Variants in CELF2 observed in about 807,000 individuals in gnomAD.
CELF2 encodes the protein CUGBP Elav-like family member 2.
CELF2 carries 8 observed loss-of-function variants against 62.6 expected under a neutral mutation model. The ratio of observed to expected loss-of-function variants is 0.13; its 90% CI spans 0.07 to 0.23. The LOEUF (loss-of-function observed/expected upper bound fraction) is 0.23. CELF2 is among the 10% of genes least tolerant of loss of function. The pLI, the probability that CELF2 is intolerant of heterozygous loss-of-function variation, is 1.00. For missense variants in CELF2, 333 were observed against 671.0 expected, an observed-to-expected ratio of 0.50 and a Z score of 5.56; for synonymous variants, 258 against 250.0, an observed-to-expected ratio of 1.03 and a Z score of -0.30.
At chr10:10,835,643 A>G (rs765710195) in intron 1 of CELF2, among the ~76,000 whole-genome samples, 10 of 152,026 alleles carry the variant, frequency 6.6e-5, no homozygotes, top group Non-Finnish European at 1.0e-4. Flanking sequence ...TCAGCCTCCT[A>G]TAGTGCTGGG....
intron 1 of CELF2, among the ~76,000 whole-genome samples, chr10:10,832,789 C>A (rs1016469327): frequency 6.6e-6 from 1 of 152,062 alleles, no homozygotes; most frequent in Non-Finnish European, 1.5e-5. Context: ...ATAAATAACC[C>A]CTGAGAACAT....
At chr10:11,047,491 C>T (rs74416796) in intron 1 of CELF2, among the ~76,000 whole-genome samples, 9,149 of 152,242 alleles carry the variant, frequency 0.06, 386 homozygotes, top group Middle Eastern at 0.13. Context: ...TTTCTAGAGT[C>T]TCTGACCATG....
intron 2 of CELF2, chr10:10,925,254 G>A (rs767295990): frequency 6.6e-6 from 1 of 152,120 alleles, no homozygotes; most frequent in Non-Finnish European, 1.5e-5. Context: ...GTCATCTAGA[G>A]CCGATGGATG....
In CELF2 at chr10:11,148,014, T is replaced by C. The variant is rs1011740025; in HGVS notation, c.75-17472T>C. ...TGTGAAATAGTACATGTATGTAAGA[T>C]AGATTTTACATTAAAGTACGAGAGC... On this transcript the variant is annotated intron_variant, in intron 1 of 12. Coordinates refer to ENST00000633077, the MANE Select transcript of CELF2 (RefSeq NM_001326342.2). Among the ~76,000 whole-genome samples the C allele has an allele frequency of 2.0e-5, 3 of 152,220 alleles. No individual in the cohort carries two copies. The East Asian group carries it at 5.8e-4, about 29-fold the overall frequency.
chr10:11,054,300 T>A (rs2064658383), intron 1 of CELF2, among the ~76,000 whole-genome samples: 1 of 152,226 alleles, frequency 6.6e-6, no homozygotes, highest in African/African-American at 2.4e-5. Context: ...ATCTTGCCCT[T>A]ATTGTATCAT....
intron 1 of CELF2, among the ~76,000 whole-genome samples, chr10:10,857,597 A>C (rs2059792511): frequency 6.8e-6 from 1 of 147,112 alleles, no homozygotes; most frequent in Non-Finnish European, 1.5e-5. Context: ...TAAAATTGTA[A>C]AGATGGTGAA....
chr10:10,891,389 AAAATCT>A (rs1323864804), intron 1 of CELF2, among the ~76,000 whole-genome samples: 23 of 152,176 alleles, frequency 1.5e-4, no homozygotes, highest in African/African-American at 5.3e-4. Context: ...GCACATGACA[AAAATCT>A]CAAAGATTTC....
At position 10,983,123 on chromosome 10, in the gene CELF2, G is replaced by T. The variant is rs1055075122; in HGVS notation, c.89+63124G>T. Among the ~76,000 whole-genome samples the T allele has an allele frequency of 1.3e-5, 2 of 151,706 alleles. No individual in the cohort carries two copies. The highest frequency in any genetic ancestry group is 2.9e-5 in the Non-Finnish European group (2 of 67,964). Reference sequence around the variant, plus strand: ...TGCTACATTTTAAAAAATAATTTAAGCTCTTTTTTCATTATTTTTTTTTCA... The same window carrying T: ...TGCTACATTTTAAAAAATAATTTAATCTCTTTTTTCATTATTTTTTTTTCA... On this transcript the variant is annotated intron_variant, in intron 2 of 13. Coordinates refer to the CELF2 transcript ENST00000636488. The surrounding 1 kb of genome is among the most constrained non-coding windows in gnomAD (Gnocchi z 5.2).
At position 11,255,879 on chromosome 10, in the gene CELF2, A is replaced by C. The variant is rs1002116051; in HGVS notation, c.404-1859A>C. Among the ~76,000 whole-genome samples the C allele has an allele frequency of 6.6e-6, 1 of 152,172 alleles. No homozygotes were observed. The highest frequency in any genetic ancestry group is 1.5e-5 in the Non-Finnish European group (1 of 68,028). ...ACCGGACCTAGAACCTTGGTCTTCT[A>C]ATCACCGCCATTGCTCTCCCCTTCA... On this transcript the variant is annotated intron_variant, in intron 4 of 12. Coordinates refer to ENST00000633077, the MANE Select transcript of CELF2 (RefSeq NM_001326342.2). This position sits in a 1 kb window ranked among gnomAD's most constrained non-coding sequence, Gnocchi z 5.5.
chr10:11,064,337 C>G lies in CELF2; in HGVS notation c.74+46174C>G, dbSNP rs78454888. Among the ~76,000 whole-genome samples, 1,124 of 152,304 alleles carry G rather than the reference C, an allele frequency of 7.4e-3. 9 individuals are homozygous for G. Among genetic ancestry groups the G allele is most frequent in the African/African-American group, 0.025 (1,023 of 41,558 alleles). ...GACTGTTTTCAGCAGGCCAGTCCCA[C>G]CAGCACTCCCTTCAGAGTGGTCTGT... On this transcript the variant is annotated intron_variant, in intron 1 of 12. Transcript: ENST00000633077.
chr10:11,092,325 C>T (rs563044526), intron 1 of CELF2: 178 of 152,292 alleles, frequency 1.2e-3, no homozygotes, highest in African/African-American at 3.9e-3. Flanking sequence ...GTGATCAAAA[C>T]ACAAACAAGA....
In CELF2 at chr10:11,321,546, C is replaced by T. The variant is rs2095438087; in HGVS notation, c.1294+160C>T. 6.6e-6 allele frequency among the ~76,000 whole-genome samples: 1 copy of T among 151,208 alleles called. No individual in the cohort carries two copies. Among genetic ancestry groups the T allele is most frequent in the African/African-American group, 2.4e-5 (1 of 41,056 alleles). On this transcript the variant is annotated intron_variant, in intron 11 of 12. Coordinates refer to ENST00000633077, the MANE Select transcript of CELF2 (RefSeq NM_001326342.2). The surrounding 1 kb of genome is among the most constrained non-coding windows in gnomAD (Gnocchi z 6.2). ...AAAAAAAAAAAAACTGAAAGCTGGG[C>T]ATGGTGGCATACACCTGTAGTCGCA...
chr10:10,887,769 C>CT (rs2061855228), intron 1 of CELF2, among the ~76,000 whole-genome samples: 1 of 150,464 alleles, frequency 6.6e-6, no homozygotes, highest in African/African-American at 2.4e-5. Context: ...TCTGTGTAGA[C>CT]TTTTATTTTT....
chr10:10,801,965 C>T lies in CELF2; in HGVS notation c.53+3148C>T, dbSNP rs573318461. Reference sequence around the variant, plus strand: ...GAAACCAGGGGTGGTCGTAGTGCTACTGCCTGTGTTTTAATGACTGTCTAC... The same window carrying T: ...GAAACCAGGGGTGGTCGTAGTGCTATTGCCTGTGTTTTAATGACTGTCTAC... On this transcript the variant is annotated intron_variant, in intron 1 of 13. Transcript: ENST00000636488. Among the ~76,000 whole-genome samples the T allele has an allele frequency of 2.0e-5, 3 of 152,276 alleles. No homozygotes were observed. The South Asian group carries it at 6.2e-4, about 32-fold the overall frequency.
At position 10,947,730 on chromosome 10, in the gene CELF2, A is replaced by ATGAGTAGC. The variant is rs1187822171; in HGVS notation, c.89+27732_89+27739dup. 6.6e-6 allele frequency among the ~76,000 whole-genome samples: 1 copy of ATGAGTAGC among 152,210 alleles called. No homozygotes were observed. Among genetic ancestry groups the ATGAGTAGC allele is most frequent in the Non-Finnish European group, 1.5e-5 (1 of 68,032 alleles). On this transcript the variant is annotated intron_variant, in intron 2 of 13. Transcript: ENST00000636488. The surrounding 1 kb of genome is among the most constrained non-coding windows in gnomAD (Gnocchi z 4.1). ...CCTTCAACTTTCTGCTTTCAAGGTC[A>ATGAGTAGC]TGAGTAGCGTAAGAAGACACATACA...
chr10:11,048,897 G>A (rs1039068515), intron 1 of CELF2, among the ~76,000 whole-genome samples: 5 of 152,144 alleles, frequency 3.3e-5, no homozygotes, highest in African/African-American at 1.2e-4. Context: ...TGAGTGACAG[G>A]GAGCACAACA....
Position 11,156,022 on chromosome 10 carries a change from T to C in CELF2, c.75-9464T>C, listed in dbSNP as rs923171490. On this transcript the variant is annotated intron_variant, in intron 1 of 12. Transcript: ENST00000633077. This position sits in a 1 kb window ranked among gnomAD's most constrained non-coding sequence, Gnocchi z 4.3. The stretch of plus-strand genomic sequence containing the variant: ...TTTAACAGAAAAGTAGGTGGAGTTC[T>C]GAATGCCGGGCAAGCACAAAGGTCA... Among the ~76,000 whole-genome samples the C allele has an allele frequency of 6.6e-6, 1 of 152,218 alleles. No homozygotes were observed. The highest frequency in any genetic ancestry group is 1.5e-5 in the Non-Finnish European group (1 of 68,032).
chr10:11,294,538 C>G lies in CELF2; in HGVS notation c.976+5986C>G, dbSNP rs77743261. ...GAAGGAAATCTCAAGGTAGACCATT[C>G]TTCCCTCCACTAGCGGCTAAGTGTC... On this transcript the variant is annotated intron_variant, in intron 9 of 12. Coordinates refer to ENST00000633077, the MANE Select transcript of CELF2 (RefSeq NM_001326342.2). 5.3e-3 allele frequency among the ~76,000 whole-genome samples: 810 copies of G among 152,326 alleles called. 7 individuals carry two copies. The highest frequency in any genetic ancestry group is 0.018 in the African/African-American group (743 of 41,562).
At chr10:10,975,555 A>G (rs546755160) in intron 2 of CELF2, among the ~76,000 whole-genome samples, 1 of 152,358 alleles carries the variant, frequency 6.6e-6, no homozygotes, top group South Asian at 2.1e-4. Context: ...CCTTACTTCT[A>G]CAACTGGACC....
Sources: allele counts gnomAD v4.1 joint callset (sites outside exome capture counted in the v4.1 genomes callset), GRCh38; gene constraint gnomAD v4.1.1; non-coding constraint Gnocchi (gnomAD v3.1); transcripts MANE v1.5; gene names NCBI Gene and HGNC (gene_info 2026-07-23, HGNC 2026-07-21).